The following CBFA2T3 variants were observed in gnomAD, a reference collection of about 807,000 sequenced individuals.
CBFA2T3 encodes CBFA2/RUNX1 partner transcriptional co-repressor 3, also known as transcriptional corepressor CBFA2T3.
A neutral mutation model predicts 58.6 loss-of-function variants in CBFA2T3; 31 were observed. The ratio of observed to expected loss-of-function variants is 0.53; its 90% confidence interval spans 0.40 to 0.71. The LOEUF is 0.71. Among genes scored for constraint, CBFA2T3 ranks in the 30% least tolerant of loss-of-function variants. The pLI is 0.00. For missense variants in CBFA2T3, 1,076 were observed against 963.1 expected (o/e 1.12, Z -1.55); for synonymous variants, 531 against 421.9 (o/e 1.26, Z -3.17).
intron 3 of CBFA2T3, among the ~76,000 whole-genome samples, chr16:88,894,403 GCACA>G (rs554972109): frequency 9.1e-6 from 1 of 109,458 alleles, no homozygotes; most frequent in East Asian, 3.6e-4. Flanking sequence ...ACACACACAT[GCACA>G]CACACATGCA....
rs146302322 is a variant in CBFA2T3, at chr16:88,881,560, T to C, written c.1204-71A>G. 2.0e-3 allele frequency: 2,997 copies of C among 1,491,256 alleles called. 19 individuals carry two copies. Among genetic ancestry groups the C allele is most frequent in the African/African-American group, 0.017 (1,197 of 72,442 alleles). The allele number at this position is 1,491,256 out of a possible 1,614,324, so 92.4% of individuals were successfully genotyped here. On this transcript the variant is annotated intron_variant, in intron 8 of 11. Coordinates refer to ENST00000268679, the MANE Select transcript of CBFA2T3 (RefSeq NM_005187.6). Reference sequence around the variant, plus strand: ...CGCACCAGACACTCCCCCAGCCCACTCGGCCAGAGCCCCGGACAGGATGGG... The same window carrying C: ...CGCACCAGACACTCCCCCAGCCCACCCGGCCAGAGCCCCGGACAGGATGGG...
chr16:88,901,214 G>A (rs1045528101), intron 2 of CBFA2T3, among the ~76,000 whole-genome samples: 2 of 152,244 alleles, frequency 1.3e-5, no homozygotes, highest in African/African-American at 4.8e-5. Context: ...CCTGGTGAAA[G>A]GCCTGTGTGG....
chr16:88,942,404 T>C (rs1003321599), intron 1 of CBFA2T3, among the ~76,000 whole-genome samples: 1 of 152,190 alleles, frequency 6.6e-6, no homozygotes, highest in Admixed American at 6.5e-5. Flanking sequence ...GCCTCTCATT[T>C]CGCATAAATT....
At chr16:88,879,718 A>G (rs577576939) in intron 10 of CBFA2T3, 2 of 477,338 alleles carry the variant, frequency 4.2e-6, no homozygotes, top group South Asian at 3.7e-5. Flanking sequence ...CATCCCAGGC[A>G]TGTGTGTGCA....
chr16:88,890,459 G>A (rs927566065), intron 5 of CBFA2T3, among the ~76,000 whole-genome samples: 1 of 152,322 alleles, frequency 6.6e-6, no homozygotes, highest in East Asian at 1.9e-4. Context: ...GGCTGGGCCC[G>A]AAGGTGTGGC....
At chr16:88,946,373 T>C (rs778813165) in intron 1 of CBFA2T3, among the ~76,000 whole-genome samples, 1 of 152,152 alleles carries the variant, frequency 6.6e-6, no homozygotes, top group Non-Finnish European at 1.5e-5. Flanking sequence ...ATATACTGTC[T>C]GATTCCAACT....
chr16:88,911,633 G>A (rs982521893), intron 1 of CBFA2T3, among the ~76,000 whole-genome samples: 1 of 152,250 alleles, frequency 6.6e-6, no homozygotes, highest in Non-Finnish European at 1.5e-5. Flanking sequence ...TGGAATTCCC[G>A]CAGAATCACG....
intron 8 of CBFA2T3, among the ~76,000 whole-genome samples, chr16:88,882,389 A>G (rs897192169): frequency 1.0e-4 from 14 of 140,666 alleles, no homozygotes; most frequent in Non-Finnish European, 1.4e-4. Flanking sequence ...GTGCATGGGT[A>G]TGGCTGTGTG....
At chr16:88,922,058 G>A (rs1010533903) in intron 1 of CBFA2T3, among the ~76,000 whole-genome samples, 1 of 152,234 alleles carries the variant, frequency 6.6e-6, no homozygotes, top group Non-Finnish European at 1.5e-5. Context: ...TGATTTCAGG[G>A]CTGGTGTCGA....
intron 1 of CBFA2T3, among the ~76,000 whole-genome samples, chr16:88,975,181 T>TC (rs1567644004): frequency 6.3e-4 from 30 of 47,836 alleles, no homozygotes; most frequent in East Asian, 1.0e-3. Flanking sequence ...CTGCTCCACA[T>TC]CTTTAGCCAT....
intron 1 of CBFA2T3, among the ~76,000 whole-genome samples, chr16:88,948,422 A>G (rs1971961470): frequency 6.6e-6 from 1 of 152,158 alleles, no homozygotes; most frequent in Non-Finnish European, 1.5e-5. Flanking sequence ...AAGGACCCAC[A>G]CTGGCCCAAG....
rs751384339 is a variant in CBFA2T3 at position 88,901,549 on chromosome 16, C to T, written c.259G>A (p.Ala87Thr). ...GGGGGGCGTGTGGCCCCCTGGGATG[C>T]GGCAGGCGGTGGGGGCGGCATGCTG... ...PPSMPPPPPAASQGATRPPSF... is the reference protein window; with the variant it reads ...PPSMPPPPPATSQGATRPPSF... Residue 87 changes from alanine to threonine, a missense_variant, in exon 2 of 12, where the codon GCA becomes ACA. Coordinates refer to ENST00000268679, the MANE Select transcript of CBFA2T3 (RefSeq NM_005187.6). 1.8e-5 allele frequency: 27 copies of T among 1,475,814 alleles called. No homozygotes were observed. The East Asian group carries it at 4.6e-4, about 25-fold the overall frequency. The allele number at this position is 1,475,814 out of a possible 1,614,324, so 91.4% of individuals were successfully genotyped here.
chr16:88,883,378 C>G (rs1225791040), intron 7 of CBFA2T3: 1 of 156,530 alleles, frequency 6.4e-6, no homozygotes, highest in East Asian at 1.9e-4. Flanking sequence ...CTGTCTCTGC[C>G]TGTGAACACC....
At chr16:88,968,985 C>G (rs997419753) in intron 1 of CBFA2T3, among the ~76,000 whole-genome samples, 1 of 152,212 alleles carries the variant, frequency 6.6e-6, no homozygotes. Flanking sequence ...GATCTGCTCT[C>G]TAAATCTGGG....
intron 10 of CBFA2T3, among the ~76,000 whole-genome samples, chr16:88,880,292 A>G (rs1345559947): frequency 1.3e-5 from 2 of 151,870 alleles, no homozygotes; most frequent in Non-Finnish European, 2.9e-5. Context: ...GCTCTGCCCC[A>G]GCCCCTCCCC....
At position 88,905,690 on chromosome 16, in the gene CBFA2T3, G is replaced by A. The variant is rs1167246551; in HGVS notation, c.152-4034C>T. On this transcript the variant is annotated intron_variant, in intron 1 of 11. Transcript: ENST00000268679. The stretch of plus-strand genomic sequence containing the variant: ...GGAGGTGGGGCTGAAGGAGGGGCGG[G>A]GCTGAAGGAGGGGCGGGGCTGGAGG... Among the ~76,000 whole-genome samples, 4 of 142,854 alleles carry A rather than the reference G, an allele frequency of 2.8e-5. No homozygotes were observed. In the South Asian group the frequency reaches 9.0e-4, roughly 32 times the overall value. The allele number at this position is 142,854 out of a possible 152,430, so 93.7% of individuals were successfully genotyped here.
rs147642833 is a variant in CBFA2T3 at position 88,949,758 on chromosome 16, C to T, written c.151+26899G>A. On this transcript the variant is annotated intron_variant, in intron 1 of 11. Coordinates refer to ENST00000268679, the MANE Select transcript of CBFA2T3 (RefSeq NM_005187.6). ...AGACACAGTAGCTCACGCCTGTAAT[C>T]CCAGCACTTTGGGAGGCCGAGGCAG... Among the ~76,000 whole-genome samples, 3 of 152,178 alleles carry T rather than the reference C, an allele frequency of 2.0e-5. No individual in the cohort carries two copies. The East Asian group carries it at 5.8e-4, about 30-fold the overall frequency.
chr16:88,916,401 C>G (rs533910028), intron 1 of CBFA2T3, among the ~76,000 whole-genome samples: 2 of 144,228 alleles, frequency 1.4e-5, no homozygotes, highest in Non-Finnish European at 3.0e-5. Context: ...TATTCATATG[C>G]GTATTCATGC....
chr16:88,971,327 C>T (rs1803241459), intron 1 of CBFA2T3, among the ~76,000 whole-genome samples: 1 of 152,194 alleles, frequency 6.6e-6, no homozygotes. Flanking sequence ...CCAGACTGGT[C>T]TCGGAATCCT....
Sources: allele counts gnomAD v4.1 joint callset (sites outside exome capture counted in the v4.1 genomes callset), GRCh38; gene constraint gnomAD v4.1.1; transcripts MANE v1.5; gene names NCBI Gene and HGNC (gene_info 2026-07-23, HGNC 2026-07-21).